The following MBNL2 variants were observed in gnomAD, a reference collection of about 807,000 sequenced individuals.
MBNL2 encodes the protein muscleblind like splicing regulator 2.
In MBNL2, 17 loss-of-function variants were observed where a neutral mutation model predicts 41.9. That is an observed-to-expected ratio of 0.41 (90% confidence interval 0.28 to 0.61). The LOEUF is 0.61. Among genes scored for constraint, MBNL2 ranks in the 20% least tolerant of loss-of-function variants. The probability of loss-of-function intolerance (pLI) is 0.35; values close to 1 mark genes in which losing one functional copy is unlikely to be tolerated. For synonymous variants in MBNL2, 195 were observed against 182.9 expected, an observed-to-expected ratio of 1.07 and a Z score of -0.53; for missense variants, 336 against 505.6, an observed-to-expected ratio of 0.66 and a Z score of 3.22.
At position 97,366,737 on chromosome 13, in the gene MBNL2, A is replaced by T; in HGVS notation, c.1048+1566A>T. ...TTATTTAGAGTTAACATTTACTGCA[A>T]ATAATGATGTAGCTATGTTTTGTGT... On this transcript the variant is annotated intron_variant, in intron 8 of 8. Transcript: ENST00000679496. The surrounding 1 kb of genome is among the most constrained non-coding windows in gnomAD (Gnocchi z 4.7). The T allele has an allele frequency of 1.5e-6, 1 of 666,184 alleles. No homozygotes were observed. Among genetic ancestry groups the T allele is most frequent in the South Asian group, 1.6e-5 (1 of 61,038 alleles). The allele number at this position is 666,184 out of a possible 1,614,324, so 41.3% of individuals were successfully genotyped here. A position where few individuals can be genotyped will look rare whatever the true frequency, so the allele number is the denominator to read the frequency against.
intron 3 of MBNL2, among the ~76,000 whole-genome samples, chr13:97,336,784 T>A (rs1186394061): frequency 6.6e-6 from 1 of 152,234 alleles, no homozygotes; most frequent in African/African-American, 2.4e-5. Flanking sequence ...TAGTAATTTA[T>A]AGCTGTTTAC....
chr13:97,238,479 A>G (rs2043695539), intron 1 of MBNL2, among the ~76,000 whole-genome samples: 1 of 152,234 alleles, frequency 6.6e-6, no homozygotes, highest in Non-Finnish European at 1.5e-5. Context: ...TCATAGATTA[A>G]GGCTTCCTGA....
At chr13:97,217,249 T>C (rs1219458110), upstream of MBNL2, among the ~76,000 whole-genome samples, 1 of 152,084 alleles carries the variant, frequency 6.6e-6, no homozygotes, top group Non-Finnish European at 1.5e-5. Context: ...ACCAGTGCCA[T>C]TTCCAAGTTT....
chr13:97,242,141 C>T (rs764009625), intron 1 of MBNL2, among the ~76,000 whole-genome samples: 1 of 152,180 alleles, frequency 6.6e-6, no homozygotes, highest in Non-Finnish European at 1.5e-5. Flanking sequence ...GACGACACCA[C>T]TGCCCACCCC....
chr13:97,273,813 C>T (rs1364319950), intron 1 of MBNL2, among the ~76,000 whole-genome samples: 3 of 152,142 alleles, frequency 2.0e-5, no homozygotes, highest in African/African-American at 7.2e-5. Flanking sequence ...GTTGTCTCAA[C>T]ATTTTGGGAG....
chr13:97,203,406 A>G, the MBNL2 span, among the ~76,000 whole-genome samples: 5 of 152,150 alleles, frequency 3.3e-5, no homozygotes, highest in Admixed American at 6.6e-5. Context: ...CTGCAGCACC[A>G]CTGGCCATCA....
intron 5 of MBNL2, among the ~76,000 whole-genome samples, chr13:97,349,109 T>G (rs1193242247): frequency 6.6e-6 from 1 of 152,244 alleles, no homozygotes; most frequent in Non-Finnish European, 1.5e-5. Flanking sequence ...TTTCCTCTCG[T>G]CCTTCTCATT....
At chr13:97,237,579 A>G (rs1421014480) in intron 1 of MBNL2, among the ~76,000 whole-genome samples, 1 of 152,202 alleles carries the variant, frequency 6.6e-6, no homozygotes, top group Non-Finnish European at 1.5e-5. Context: ...GCAGTCAGGG[A>G]AGGCTTCCTG....
chr13:97,266,698 A>G (rs927852397), intron 1 of MBNL2, among the ~76,000 whole-genome samples: 6 of 152,254 alleles, frequency 3.9e-5, no homozygotes, highest in African/African-American at 1.4e-4. Context: ...AGCCACTCAC[A>G]GGAAGGAAAC....
chr13:97,189,017 G>A, the MBNL2 span, among the ~76,000 whole-genome samples: 1 of 151,614 alleles, frequency 6.6e-6, no homozygotes, highest in African/African-American at 2.4e-5. Context: ...CATCTAGGGA[G>A]ACTTTGTCAC....
chr13:97,254,294 G>A (rs1232963076), intron 1 of MBNL2, among the ~76,000 whole-genome samples: 1 of 152,128 alleles, frequency 6.6e-6, no homozygotes, highest in Admixed American at 6.5e-5. Flanking sequence ...GTTTCCAAAT[G>A]TGAAATGTTA....
At chr13:97,243,112 C>G (rs546981787) in intron 1 of MBNL2, among the ~76,000 whole-genome samples, 1 of 152,200 alleles carries the variant, frequency 6.6e-6, no homozygotes, top group South Asian at 2.1e-4. Flanking sequence ...CTATCTGCAG[C>G]GGTGGCCAGT....
At chr13:97,192,922 C>A in the MBNL2 span, among the ~76,000 whole-genome samples, 1 of 152,304 alleles carries the variant, frequency 6.6e-6, no homozygotes, top group Admixed American at 6.5e-5. Context: ...GAAAAATAGA[C>A]GTTAGTTTAC....
At chr13:97,301,651 T>C (rs995905997) in intron 2 of MBNL2, among the ~76,000 whole-genome samples, 2 of 152,188 alleles carry the variant, frequency 1.3e-5, no homozygotes, top group African/African-American at 4.8e-5. Flanking sequence ...TGCTGTATCA[T>C]GCTTCACTTG....
At chr13:97,260,234 A>G (rs2048346709) in intron 1 of MBNL2, among the ~76,000 whole-genome samples, 1 of 152,188 alleles carries the variant, frequency 6.6e-6, no homozygotes, top group African/African-American at 2.4e-5. Context: ...TCAAAGCTCT[A>G]AGGCAGGATG....
At chr13:97,373,163 C>T (rs2064555056) in intron 8 of MBNL2, among the ~76,000 whole-genome samples, 1 of 152,276 alleles carries the variant, frequency 6.6e-6, no homozygotes, top group South Asian at 2.1e-4. Flanking sequence ...AGCAGCTGGG[C>T]CCCACGTATG....
chr13:97,307,268 T>C (rs2058207338), intron 2 of MBNL2, among the ~76,000 whole-genome samples: 1 of 152,182 alleles, frequency 6.6e-6, no homozygotes, highest in Admixed American at 6.5e-5. Context: ...AGTTTAGTGA[T>C]ACTTGTAGAG....
rs575490081 is a variant in MBNL2, at chr13:97,249,844, T to C, written c.-604-25788T>C. On this transcript the variant is annotated intron_variant, in intron 1 of 8. Coordinates refer to ENST00000679496, the MANE Select transcript of MBNL2 (RefSeq NM_001382683.1). ...TCAAAGTTCTATAGACATATTTCTA[T>C]TGGCTTTTGCTGTTTTATGCTGCAA... 1.3e-4 allele frequency among the ~76,000 whole-genome samples: 20 copies of C among 152,372 alleles called. No individual in the cohort carries two copies. The East Asian group carries it at 3.9e-3, about 29-fold the overall frequency.
At chr13:97,347,139 G>C in intron 5 of MBNL2, 72 bp downstream of exon 5, 1 of 1,193,918 alleles carries the variant, frequency 8.4e-7, no homozygotes, top group Non-Finnish European at 1.1e-6. Context: ...GGACTTGGAT[G>C]TTCTTCCAAA....
Sources: allele counts gnomAD v4.1 joint callset (sites outside exome capture counted in the v4.1 genomes callset), GRCh38; gene constraint gnomAD v4.1.1; non-coding constraint Gnocchi (gnomAD v3.1); transcripts MANE v1.5; gene names NCBI Gene and HGNC (gene_info 2026-07-23, HGNC 2026-07-21).